Variants in ABTB3 observed in about 807,000 individuals in gnomAD.
The protein encoded by ABTB3 is ankyrin repeat- and BTB/POZ domain-containing protein 3.
the ABTB3 span, among the ~76,000 whole-genome samples, chr12:107,438,098 C>A: frequency 3.3e-5 from 5 of 152,092 alleles, no homozygotes; most frequent in Non-Finnish European, 7.4e-5. Context: ...AGACCCTGAG[C>A]GGGGCCCAGA....
the ABTB3 span, chr12:107,612,811 G>A: frequency 5.6e-6 from 9 of 1,613,852 alleles, no homozygotes; most frequent in South Asian, 5.5e-5. Flanking sequence ...GCCTGCGTCC[G>A]TGGGGACGAG....
chr12:107,657,851 G>A, the ABTB3 span: 23 of 841,758 alleles, frequency 2.7e-5, no homozygotes, highest in African/African-American at 2.1e-4. Flanking sequence ...CTGCTCCCAC[G>A]TGTTCCTGTT....
At chr12:107,475,684 A>G in the ABTB3 span, among the ~76,000 whole-genome samples, 1 of 152,206 alleles carries the variant, frequency 6.6e-6, no homozygotes, top group African/African-American at 2.4e-5. Flanking sequence ...TCCTGGTTAC[A>G]ACAAACCTAT....
chr12:107,569,744 C>T, the ABTB3 span, among the ~76,000 whole-genome samples: 1 of 152,178 alleles, frequency 6.6e-6, no homozygotes, highest in Non-Finnish European at 1.5e-5. Context: ...TCAGAAAACG[C>T]AAATAGCTGG....
chr12:107,348,312 T>C, the ABTB3 span, among the ~76,000 whole-genome samples: 1 of 151,948 alleles, frequency 6.6e-6, no homozygotes, highest in Admixed American at 6.6e-5. Context: ...CACACACACA[T>C]ACATATTTTA....
At chr12:107,397,504 A>C in the ABTB3 span, among the ~76,000 whole-genome samples, 1 of 151,840 alleles carries the variant, frequency 6.6e-6, no homozygotes, top group African/African-American at 2.4e-5. Context: ...TGTGTTCCTG[A>C]TAGATTTTTG....
the ABTB3 span, among the ~76,000 whole-genome samples, chr12:107,355,859 C>T: frequency 5.0e-4 from 76 of 152,300 alleles, no homozygotes; most frequent in African/African-American, 1.8e-3. Context: ...ACCGTCTGTG[C>T]TTTCATCTAC....
At chr12:107,520,489 G>A in the ABTB3 span, 4 of 1,613,856 alleles carry the variant, frequency 2.5e-6, no homozygotes, top group Admixed American at 1.7e-5. Context: ...GACTGCAGGG[G>A]TGCTGTGCCT....
the ABTB3 span, among the ~76,000 whole-genome samples, chr12:107,386,292 G>T: frequency 5.9e-5 from 9 of 152,192 alleles, no homozygotes; most frequent in Non-Finnish European, 2.9e-5. Flanking sequence ...CCCTTGTCAT[G>T]AATCAGTTGT....
the ABTB3 span, among the ~76,000 whole-genome samples, chr12:107,646,505 A>T: frequency 1.6e-4 from 25 of 152,188 alleles, no homozygotes; most frequent in Non-Finnish European, 2.5e-4. Context: ...CCCAATCCCA[A>T]CATTTGCTGA....
At chr12:107,370,785 T>A in the ABTB3 span, among the ~76,000 whole-genome samples, 2 of 94,176 alleles carry the variant, frequency 2.1e-5, no homozygotes, top group African/African-American at 1.1e-4. Context: ...TTTTTTTTTT[T>A]ACAGTTTTGT....
the ABTB3 span, among the ~76,000 whole-genome samples, chr12:107,601,121 C>T: frequency 6.6e-6 from 1 of 152,224 alleles, no homozygotes; most frequent in Non-Finnish European, 1.5e-5. Context: ...TCTTTTAAAC[C>T]TCATTGCAGA....
At chr12:107,482,900 CTCTCTCTT>C in the ABTB3 span, among the ~76,000 whole-genome samples, 1 of 149,108 alleles carries the variant, frequency 6.7e-6, no homozygotes, top group Non-Finnish European at 1.5e-5. Context: ...CGTTCTCTCT[CTCTCTCTT>C]TCTTCTTCTT....
the ABTB3 span, among the ~76,000 whole-genome samples, chr12:107,529,092 G>GTGA: frequency 1.3e-5 from 2 of 150,376 alleles, no homozygotes; most frequent in East Asian, 3.9e-4. Flanking sequence ...GGTGGTGATG[G>GTGA]TGATGATGAT....
chr12:107,368,421 A>T, the ABTB3 span, among the ~76,000 whole-genome samples: 39,246 of 152,236 alleles, frequency 0.26, 6,150 homozygotes, highest in South Asian at 0.41. Context: ...GACACTGGAA[A>T]TATTTGGTGA....
chr12:107,359,810 C>T, the ABTB3 span, among the ~76,000 whole-genome samples: 2 of 152,160 alleles, frequency 1.3e-5, no homozygotes, highest in African/African-American at 4.8e-5. Context: ...GGGTTTGATC[C>T]TCCCTCAGTC....
chr12:107,321,831 C>G, the ABTB3 span, among the ~76,000 whole-genome samples: 1 of 152,156 alleles, frequency 6.6e-6, no homozygotes, highest in Admixed American at 6.5e-5. Context: ...TCATCTTTTA[C>G]TCTTTGCTGC....
At chr12:107,594,495 G>GC in the ABTB3 span, among the ~76,000 whole-genome samples, 1 of 152,104 alleles carries the variant, frequency 6.6e-6, no homozygotes, top group Non-Finnish European at 1.5e-5. Context: ...AGGAACTTTT[G>GC]CAAGTGTTAC....
chr12:107,615,255 G>T, the ABTB3 span: 3 of 959,456 alleles, frequency 3.1e-6, no homozygotes, highest in Non-Finnish European at 4.8e-6. Flanking sequence ...TATTCTCTAA[G>T]ACATTCATAT....
Sources: allele counts gnomAD v4.1 joint callset (sites outside exome capture counted in the v4.1 genomes callset), GRCh38; gene constraint gnomAD v4.1.1; transcripts MANE v1.5; gene names NCBI Gene and HGNC (gene_info 2026-07-23, HGNC 2026-07-21).